FAM168A: variants seen among roughly 807,000 people sequenced by gnomAD.
The protein encoded by FAM168A is family with sequence similarity 168 member A, also known as protein FAM168A.
Under a neutral mutation model 28.5 loss-of-function variants are expected in FAM168A, and 3 were observed. The observed-to-expected ratio is 0.11, with a 90% CI of 0.05 to 0.27. The LOEUF (loss-of-function observed/expected upper bound fraction) is 0.27. Ranked by LOEUF, FAM168A falls within the 10% of genes least tolerant of loss-of-function variation. The pLI, the probability that FAM168A is intolerant of heterozygous loss-of-function variation, is 1.00. For synonymous variants in FAM168A, 122 were observed against 124.2 expected (o/e 0.98, Z 0.12); for missense variants, 222 against 311.5 (o/e 0.71, Z 2.16).
chr11:73,540,667 T>A (rs1363519688), intron 1 of FAM168A, among the ~76,000 whole-genome samples: 2 of 152,244 alleles, frequency 1.3e-5, no homozygotes, highest in Non-Finnish European at 2.9e-5. Context: ...TCTGCTCAAA[T>A]GCAATCTCTT....
intron 1 of FAM168A, among the ~76,000 whole-genome samples, chr11:73,566,839 G>A (rs1944025533): frequency 6.6e-6 from 1 of 152,210 alleles, no homozygotes; most frequent in Admixed American, 6.5e-5. Flanking sequence ...GAAGCATGAG[G>A]AGAAAACAGT....
At chr11:73,592,238 T>C (rs528324534) in intron 1 of FAM168A, among the ~76,000 whole-genome samples, 1 of 152,356 alleles carries the variant, frequency 6.6e-6, no homozygotes, top group Admixed American at 6.5e-5. Flanking sequence ...GACACCTGCC[T>C]AACTGGCAGG....
intron 1 of FAM168A, among the ~76,000 whole-genome samples, chr11:73,571,979 C>G (rs970157548): frequency 6.6e-6 from 1 of 150,900 alleles, no homozygotes; most frequent in African/African-American, 2.4e-5. Context: ...CTCTGCCCAG[C>G]CGCCCCGTCT....
chr11:73,464,706 T>C (rs942741374), intron 2 of FAM168A, among the ~76,000 whole-genome samples: 1 of 152,216 alleles, frequency 6.6e-6, no homozygotes, highest in Non-Finnish European at 1.5e-5. Context: ...TTTTCACCTA[T>C]AAAATGATGG....
chr11:73,585,456 T>C (rs1944301318), intron 1 of FAM168A, among the ~76,000 whole-genome samples: 2 of 152,180 alleles, frequency 1.3e-5, no homozygotes, highest in Non-Finnish European at 2.9e-5. Flanking sequence ...CAGAACAAAG[T>C]AGATGCAGTA....
intron 1 of FAM168A, among the ~76,000 whole-genome samples, chr11:73,470,329 G>C: frequency 6.6e-6 from 1 of 152,182 alleles, no homozygotes; most frequent in Admixed American, 6.5e-5. Flanking sequence ...ACTCCTTCCA[G>C]CTTTGGGTCT....
At chr11:73,427,956 GA>G (rs1866918706) in intron 3 of FAM168A, among the ~76,000 whole-genome samples, 1 of 152,104 alleles carries the variant, frequency 6.6e-6, no homozygotes, top group Non-Finnish European at 1.5e-5. Flanking sequence ...CTCACATCCT[GA>G]CCTCCCTGGT....
intron 1 of FAM168A, among the ~76,000 whole-genome samples, chr11:73,506,064 C>T (rs745501521): frequency 5.3e-5 from 8 of 152,094 alleles, no homozygotes; most frequent in Non-Finnish European, 8.8e-5. Flanking sequence ...TCTCTCTCAC[C>T]CACCACTTCC....
chr11:73,409,192 C>T (rs1565232406), intron 6 of FAM168A, among the ~76,000 whole-genome samples: 1 of 152,186 alleles, frequency 6.6e-6, no homozygotes, highest in Non-Finnish European at 1.5e-5. Flanking sequence ...GGCCTTGGCT[C>T]CATTCCTCCA....
intron 1 of FAM168A, among the ~76,000 whole-genome samples, chr11:73,483,301 T>C (rs1269295959): frequency 6.6e-6 from 1 of 152,208 alleles, no homozygotes; most frequent in Non-Finnish European, 1.5e-5. Context: ...GGCACTGGAC[T>C]GTCCCTTTCC....
intron 2 of FAM168A, among the ~76,000 whole-genome samples, chr11:73,441,438 T>C (rs1565246214): frequency 6.6e-6 from 1 of 152,224 alleles, no homozygotes; most frequent in African/African-American, 2.4e-5. Context: ...TTGTTCTGGG[T>C]TTCTACATTT....
chr11:73,512,651 G>C (rs1196152302), intron 1 of FAM168A, among the ~76,000 whole-genome samples: 1 of 151,142 alleles, frequency 6.6e-6, no homozygotes, highest in South Asian at 2.1e-4. Context: ...GCTAGGAATT[G>C]GCAGACCCAG....
At chr11:73,438,196 C>A (rs1200117745) in intron 2 of FAM168A, among the ~76,000 whole-genome samples, 1 of 152,116 alleles carries the variant, frequency 6.6e-6, no homozygotes. Flanking sequence ...AGGTTCTTTA[C>A]AGAGCACTTA....
intron 1 of FAM168A, among the ~76,000 whole-genome samples, chr11:73,485,663 T>C (rs1347004940): frequency 6.6e-6 from 1 of 152,204 alleles, no homozygotes; most frequent in Non-Finnish European, 1.5e-5. Context: ...CCTATTTTAT[T>C]ACGTGTATTT....
chr11:73,513,989 G>T (rs1477782770), intron 1 of FAM168A, among the ~76,000 whole-genome samples: 6 of 152,012 alleles, frequency 3.9e-5, no homozygotes, highest in African/African-American at 1.5e-4. Flanking sequence ...TTTGAGACCA[G>T]CCTGGGCAAC....
At chr11:73,433,681 C>T (rs1867037281) in intron 2 of FAM168A, among the ~76,000 whole-genome samples, 2 of 151,914 alleles carry the variant, frequency 1.3e-5, no homozygotes, top group African/African-American at 4.8e-5. Flanking sequence ...TATGATATTC[C>T]GTATGTAGAT....
chr11:73,591,440 A>ATT (rs1239908057), intron 1 of FAM168A, among the ~76,000 whole-genome samples: 1 of 152,162 alleles, frequency 6.6e-6, no homozygotes, highest in Admixed American at 6.5e-5. Context: ...AGACACTCAA[A>ATT]TGTTAGGTAC....
At chr11:73,474,233 A>C (rs887227206) in intron 1 of FAM168A, among the ~76,000 whole-genome samples, 1 of 152,184 alleles carries the variant, frequency 6.6e-6, no homozygotes, top group South Asian at 2.1e-4. Context: ...GAAGTCCAAG[A>C]TCAAGGGGAC....
At chr11:73,434,802 C>T (rs533817344) in intron 2 of FAM168A, among the ~76,000 whole-genome samples, 19 of 152,254 alleles carry the variant, frequency 1.2e-4, no homozygotes, top group African/African-American at 4.6e-4. Flanking sequence ...AGACTATAAG[C>T]GGGTAGAGAA....
Sources: gnomAD v4.1 joint callset for allele counts (sites outside exome capture counted in the v4.1 genomes callset) on GRCh38, gnomAD v4.1.1 for gene constraint, MANE v1.5 for transcripts, NCBI Gene and HGNC (gene_info 2026-07-23, HGNC 2026-07-21) for gene names.